Variants in CNTN1 observed in about 807,000 individuals in gnomAD.
CNTN1 encodes contactin-1.
In CNTN1, 38 loss-of-function variants were observed where a neutral mutation model predicts 126.4. The observed-to-expected ratio is 0.30, with a 90% CI of 0.23 to 0.39. The LOEUF (loss-of-function observed/expected upper bound fraction) is 0.39. Among genes scored for constraint, CNTN1 ranks in the 10% least tolerant of loss-of-function variants. The pLI, the probability that CNTN1 is intolerant of heterozygous loss-of-function variation, is 1.00. For missense variants in CNTN1, 1,009 were observed against 1,248.4 expected (o/e 0.81, Z 2.89); for synonymous variants, 413 against 422.6 (o/e 0.98, Z 0.28).
intron 1 of CNTN1, among the ~76,000 whole-genome samples, chr12:40,746,915 G>A (rs1180060471): frequency 6.6e-6 from 1 of 152,018 alleles, no homozygotes; most frequent in Non-Finnish European, 1.5e-5. Context: ...TTAGGAAATT[G>A]CCTTTCCCTG....
intron 15 of CNTN1, among the ~76,000 whole-genome samples, chr12:40,962,738 C>G (rs1027860289): frequency 2.6e-5 from 4 of 152,076 alleles, no homozygotes; most frequent in African/African-American, 2.4e-5. Context: ...TCCAAAGATG[C>G]TTGAGGAAAA....
At chr12:40,813,500 CG>C (rs147414730) in intron 1 of CNTN1, among the ~76,000 whole-genome samples, 3,456 of 152,150 alleles carry the variant, frequency 0.023, 126 homozygotes, top group African/African-American at 0.077. Flanking sequence ...CAACCTCATC[CG>C]TCTCCCTGCA....
chr12:40,716,124 GA>G (rs1438192515), intron 1 of CNTN1, among the ~76,000 whole-genome samples: 1 of 151,806 alleles, frequency 6.6e-6, no homozygotes, highest in Non-Finnish European at 1.5e-5. Context: ...AAAGAAGCTT[GA>G]AAAAAAGGAT....
chr12:40,814,922 A>G (rs912941481), intron 1 of CNTN1, among the ~76,000 whole-genome samples: 4 of 151,646 alleles, frequency 2.6e-5, no homozygotes, highest in African/African-American at 9.7e-5. Flanking sequence ...CATCCCTTGT[A>G]AGTTGGATTC....
At chr12:40,878,430 A>G (rs1391453639) in intron 1 of CNTN1, among the ~76,000 whole-genome samples, 3 of 152,026 alleles carry the variant, frequency 2.0e-5, no homozygotes, top group Non-Finnish European at 4.4e-5. Context: ...TCTAGACTTA[A>G]CATATAGAAA....
At chr12:40,845,118 C>A (rs1181681009) in intron 1 of CNTN1, among the ~76,000 whole-genome samples, 1 of 152,134 alleles carries the variant, frequency 6.6e-6, no homozygotes, top group Non-Finnish European at 1.5e-5. Context: ...CGTAATTTTT[C>A]TTTAAAAGAG....
chr12:40,862,206 A>AACAC (rs557164441), intron 1 of CNTN1, among the ~76,000 whole-genome samples: 176 of 94,174 alleles, frequency 1.9e-3, no homozygotes, highest in Admixed American at 6.0e-3. Flanking sequence ...CTTGTCTCTT[A>AACAC]ATACACACAC....
chr12:40,764,937 T>C (rs187474310), intron 1 of CNTN1, among the ~76,000 whole-genome samples: 69 of 152,254 alleles, frequency 4.5e-4, no homozygotes, highest in Admixed American at 7.2e-4. Context: ...AAATTTCCAT[T>C]GAGATTAGAG....
intron 1 of CNTN1, among the ~76,000 whole-genome samples, chr12:40,839,304 C>G (rs1369482956): frequency 6.6e-6 from 1 of 152,078 alleles, no homozygotes; most frequent in African/African-American, 2.4e-5. Flanking sequence ...ATTGGATAGT[C>G]AAGTTACTGA....
intron 17 of CNTN1, among the ~76,000 whole-genome samples, chr12:40,999,919 G>T (rs886549350): frequency 5.9e-5 from 9 of 151,832 alleles, no homozygotes; most frequent in African/African-American, 2.2e-4. Flanking sequence ...TGTTAGCCAG[G>T]GTGGTCTTGA....
At chr12:40,996,265 C>T (rs34128411) in intron 17 of CNTN1, among the ~76,000 whole-genome samples, 5,174 of 151,856 alleles carry the variant, frequency 0.034, 113 homozygotes, top group Middle Eastern at 0.11. Flanking sequence ...CCTAGTAGCT[C>T]GGATTACAGG....
At chr12:40,763,457 G>C (rs1938946575) in intron 1 of CNTN1, among the ~76,000 whole-genome samples, 4 of 152,138 alleles carry the variant, frequency 2.6e-5, no homozygotes, top group Admixed American at 2.6e-4. Context: ...TGAGGGGCTT[G>C]TGCAGCTGAC....
At chr12:40,941,754 C>G (rs978441562) in intron 12 of CNTN1, among the ~76,000 whole-genome samples, 1 of 151,750 alleles carries the variant, frequency 6.6e-6, no homozygotes, top group African/African-American at 2.4e-5. Flanking sequence ...ATTTTGGTAC[C>G]AATAAGTGAC....
At chr12:40,711,922 G>A (rs573927904) in intron 1 of CNTN1, among the ~76,000 whole-genome samples, 14 of 152,160 alleles carry the variant, frequency 9.2e-5, no homozygotes, top group Admixed American at 7.9e-4. Flanking sequence ...TGTTTGCTAT[G>A]TTTTCCAAGC....
At chr12:40,879,625 T>C (rs1197394266) in intron 1 of CNTN1, among the ~76,000 whole-genome samples, 1 of 152,114 alleles carries the variant, frequency 6.6e-6, no homozygotes, top group Non-Finnish European at 1.5e-5. Flanking sequence ...ATAAGATATG[T>C]GTCAGGCAGC....
intron 16 of CNTN1, among the ~76,000 whole-genome samples, chr12:40,990,639 A>G (rs1256377056): frequency 6.6e-6 from 1 of 152,088 alleles, no homozygotes; most frequent in Non-Finnish European, 1.5e-5. Context: ...TGTTTGGGAT[A>G]TTTTCATACT....
chr12:40,865,382 C>T (rs745484494), intron 1 of CNTN1, among the ~76,000 whole-genome samples: 5 of 152,018 alleles, frequency 3.3e-5, no homozygotes, highest in African/African-American at 4.8e-5. Context: ...GCTTTTGTTG[C>T]TGATGCTTTT....
intron 14 of CNTN1, among the ~76,000 whole-genome samples, chr12:40,950,793 G>T (rs578124710): frequency 6.6e-6 from 1 of 152,042 alleles, no homozygotes; most frequent in African/African-American, 2.4e-5. Context: ...AGTTGGGCTA[G>T]CTTCTTTTAA....
intron 1 of CNTN1, among the ~76,000 whole-genome samples, chr12:40,707,065 CA>C (rs1941771674): frequency 6.8e-6 from 1 of 147,732 alleles, no homozygotes; most frequent in Non-Finnish European, 1.5e-5. Flanking sequence ...CACACACACA[CA>C]CACACACACA....
Sources: gnomAD v4.1 joint callset for allele counts (sites outside exome capture counted in the v4.1 genomes callset) on GRCh38, gnomAD v4.1.1 for gene constraint, MANE v1.5 for transcripts, NCBI Gene and HGNC (gene_info 2026-07-23, HGNC 2026-07-21) for gene names.